MREG: variants seen among roughly 807,000 people sequenced by gnomAD.
MREG encodes dilute suppressor protein homolog.
In MREG, 31 loss-of-function variants were observed where a neutral mutation model predicts 28.5. The observed-to-expected ratio is 1.09, with a 90% CI of 0.82 to 1.47. The LOEUF is 1.47. Ranked by LOEUF, MREG falls within the 40% of genes most tolerant of loss-of-function variation. The pLI is 0.00. For synonymous variants in MREG, 106 were observed against 95.2 expected, an observed-to-expected ratio of 1.11 and a Z score of -0.66; for missense variants, 256 against 257.4, an observed-to-expected ratio of 0.99 and a Z score of 0.04.
At chr2:215,959,865 CT>C (rs1374116040) in intron 2 of MREG, among the ~76,000 whole-genome samples, 1 of 152,252 alleles carries the variant, frequency 6.6e-6, no homozygotes, top group Non-Finnish European at 1.5e-5. Flanking sequence ...GAGAAGTCTG[CT>C]GTTCTTACCA....
chr2:216,006,975 A>G (rs1694170978), intron 1 of MREG, among the ~76,000 whole-genome samples: 1 of 152,114 alleles, frequency 6.6e-6, no homozygotes, highest in South Asian at 2.1e-4. Flanking sequence ...CTTCTAACAC[A>G]CACCACGTAA....
chr2:215,984,650 C>A (rs1489520402), intron 2 of MREG, among the ~76,000 whole-genome samples: 14 of 149,616 alleles, frequency 9.4e-5, no homozygotes, highest in African/African-American at 3.2e-4. Flanking sequence ...GAACACTAAA[C>A]AAAGTGAAGA....
At chr2:216,004,714 T>G (rs1446919628) in intron 1 of MREG, among the ~76,000 whole-genome samples, 1 of 151,964 alleles carries the variant, frequency 6.6e-6, no homozygotes, top group East Asian at 1.9e-4. Context: ...GCTCCTAACA[T>G]TTTTTTTAGC....
Position 215,945,422 on chromosome 2 carries a change from C to T in MREG, c.510+149G>A, listed in dbSNP as rs147309508. 6,216 of 913,060 alleles carry T rather than the reference C, an allele frequency of 6.8e-3. 43 individuals carry two copies. The highest frequency in any genetic ancestry group is 0.012 in the Middle Eastern group (35 of 2,836). 56.6% of individuals were successfully genotyped at this position (913,060 alleles called of 1,614,324 possible). ...CTTTAGGTGATTCTGATGCTGCGGG[C>T]CACTGGGGACCACAGCATATAATGC... On this transcript the variant is annotated intron_variant, in intron 4 of 4. Coordinates refer to ENST00000263268, the MANE Select transcript of MREG (RefSeq NM_018000.3).
chr2:215,958,368 C>T (rs560086278), intron 2 of MREG, among the ~76,000 whole-genome samples: 13 of 152,324 alleles, frequency 8.5e-5, no homozygotes, highest in Admixed American at 3.9e-4. Flanking sequence ...ACCAGTTTCA[C>T]TCACTCACAT....
At chr2:215,996,538 A>C in intron 1 of MREG, 73 bp from the exon 2 acceptor site, 1 of 1,087,206 alleles carries the variant, frequency 9.2e-7, no homozygotes, top group Non-Finnish European at 1.3e-6. Flanking sequence ...TGCATGCAAC[A>C]TACAATATCA....
chr2:216,029,427 G>A (rs1694646170), intron 1 of MREG, among the ~76,000 whole-genome samples: 1 of 152,022 alleles, frequency 6.6e-6, no homozygotes, highest in Non-Finnish European at 1.5e-5. Flanking sequence ...GCAGTGAGCT[G>A]AGATCACGCC....
chr2:216,018,874 C>T (rs554835299), intron 1 of MREG, among the ~76,000 whole-genome samples: 24 of 152,318 alleles, frequency 1.6e-4, no homozygotes, highest in African/African-American at 5.3e-4. Flanking sequence ...TTCCATCCCT[C>T]ACCCCTAACC....
At chr2:215,994,678 C>A (rs1693816487) in intron 2 of MREG, among the ~76,000 whole-genome samples, 1 of 149,572 alleles carries the variant, frequency 6.7e-6, no homozygotes, top group African/African-American at 2.5e-5. Flanking sequence ...ACACCAAGCC[C>A]AAGGACCAGC....
intron 1 of MREG, among the ~76,000 whole-genome samples, chr2:216,032,199 C>CA (rs1244166136): frequency 6.6e-6 from 1 of 152,240 alleles, no homozygotes; most frequent in African/African-American, 2.4e-5. Flanking sequence ...AAAGCTGACT[C>CA]TGTTGAGTCA....
At chr2:215,954,445 AACACACACACACACAC>A (rs3078454) in intron 2 of MREG, among the ~76,000 whole-genome samples, 3 of 136,524 alleles carry the variant, frequency 2.2e-5, no homozygotes, top group African/African-American at 8.2e-5. Context: ...ATCTGTGTAC[AACACACACACACACAC>A]ACACACACAC....
chr2:215,987,349 C>T (rs1034440644), intron 2 of MREG, among the ~76,000 whole-genome samples: 4 of 150,868 alleles, frequency 2.7e-5, no homozygotes, highest in Non-Finnish European at 5.9e-5. Context: ...AGGTTCAAAG[C>T]GATTCTCCTG....
intron 1 of MREG, among the ~76,000 whole-genome samples, chr2:216,026,328 A>G (rs927855269): frequency 3.9e-5 from 6 of 152,120 alleles, no homozygotes; most frequent in African/African-American, 1.4e-4. Flanking sequence ...TGGATCATTC[A>G]TTTTAAAATG....
At chr2:216,002,751 G>A (rs986002121) in intron 1 of MREG, among the ~76,000 whole-genome samples, 5 of 151,866 alleles carry the variant, frequency 3.3e-5, no homozygotes, top group African/African-American at 4.8e-5. Context: ...CTCCATCCTC[G>A]CCTTGCTTCC....
chr2:215,990,614 A>G (rs1459748253), intron 2 of MREG, among the ~76,000 whole-genome samples: 1 of 152,318 alleles, frequency 6.6e-6, no homozygotes, highest in Middle Eastern at 3.4e-3. Flanking sequence ...TTGGATAAAG[A>G]GTCAAGACCC....
At chr2:215,952,734 T>C (rs1224780331) in intron 2 of MREG, among the ~76,000 whole-genome samples, 2 of 152,060 alleles carry the variant, frequency 1.3e-5, no homozygotes, top group African/African-American at 2.4e-5. Context: ...AACAGAAAGA[T>C]ACAAAATGAA....
intron 2 of MREG, among the ~76,000 whole-genome samples, chr2:215,949,890 T>A (rs1692441135): frequency 1.3e-5 from 2 of 152,258 alleles, no homozygotes; most frequent in Non-Finnish European, 2.9e-5. Flanking sequence ...CCTCTTTCTT[T>A]CCTGTCTTAT....
intron 2 of MREG, among the ~76,000 whole-genome samples, chr2:215,952,012 T>C (rs1291412803): frequency 6.6e-6 from 1 of 152,244 alleles, no homozygotes; most frequent in East Asian, 1.9e-4. Context: ...AGTGAGATCA[T>C]GCAGTAATTG....
chr2:215,952,409 T>C lies in MREG; in HGVS notation c.256-5296A>G, dbSNP rs372351646. Among the ~76,000 whole-genome samples, 89 of 152,306 alleles carry C rather than the reference T, an allele frequency of 5.8e-4. 1 individual carries two copies. The highest frequency in any genetic ancestry group is 6.8e-3 in the Middle Eastern group (2 of 294). ...TTTGACTGCGGCAATCACCACACAATGTATATGTATATCAAAGCTTCATGT... is the reference window on the plus strand; with the variant it reads ...TTTGACTGCGGCAATCACCACACAACGTATATGTATATCAAAGCTTCATGT... On this transcript the variant is annotated intron_variant, in intron 2 of 4. Transcript: ENST00000263268.
Sources: gnomAD v4.1 joint callset for allele counts (sites outside exome capture counted in the v4.1 genomes callset) on GRCh38, gnomAD v4.1.1 for gene constraint, MANE v1.5 for transcripts, NCBI Gene and HGNC (gene_info 2026-07-23, HGNC 2026-07-21) for gene names.